The following SWAP70 variants were observed in gnomAD, a reference collection of about 807,000 sequenced individuals.
The protein encoded by SWAP70 is switching B cell complex subunit SWAP70, also known as switch-associated protein 70.
In SWAP70, 34 loss-of-function variants were observed where a neutral mutation model predicts 80.2. The observed-to-expected ratio is 0.42, with a 90% CI of 0.32 to 0.56. The LOEUF (loss-of-function observed/expected upper bound fraction) is 0.56. Among genes scored for constraint, SWAP70 ranks in the 20% least tolerant of loss-of-function variants. The pLI is 0.09. For missense variants in SWAP70, 578 were observed against 690.7 expected (o/e 0.84, Z 1.83); for synonymous variants, 239 against 238.5 (o/e 1.00, Z -0.02).
At chr11:9,671,558 A>T (rs1204307867) in intron 1 of SWAP70, among the ~76,000 whole-genome samples, 2 of 58,824 alleles carry the variant, frequency 3.4e-5, no homozygotes, top group African/African-American at 5.3e-5. Context: ...AGAAATATAT[A>T]TAAATATATT....
chr11:9,695,855 C>T (rs1034072498), intron 2 of SWAP70, among the ~76,000 whole-genome samples: 3 of 151,906 alleles, frequency 2.0e-5, no homozygotes, highest in Non-Finnish European at 4.4e-5. Flanking sequence ...AGTTCAGTGG[C>T]ACGATCTCAG....
intron 4 of SWAP70, chr11:9,726,799 A>G (rs1456909530): frequency 4.6e-6 from 2 of 439,126 alleles, no homozygotes; most frequent in Non-Finnish European, 9.2e-6. Flanking sequence ...TGAGTCACAC[A>G]CCTTTGAGGC....
intron 9 of SWAP70, among the ~76,000 whole-genome samples, chr11:9,743,964 A>AT (rs71034739): frequency 0.68 from 98,966 of 146,542 alleles, 33,357 homozygotes; most frequent in Middle Eastern, 0.8. Context: ...AGATCTTGTA[A>AT]TTTTTTTTTT....
chr11:9,726,045 A>C (rs1045774114), intron 4 of SWAP70, among the ~76,000 whole-genome samples: 1 of 152,128 alleles, frequency 6.6e-6, no homozygotes, highest in Non-Finnish European at 1.5e-5. Context: ...TAAAATGTTT[A>C]CAGTGATCAC....
At chr11:9,749,634 C>A (rs1368336910) in intron 11 of SWAP70, among the ~76,000 whole-genome samples, 3 of 152,250 alleles carry the variant, frequency 2.0e-5, no homozygotes, top group Admixed American at 6.5e-5. Context: ...TGTAAAAAAA[C>A]CAAGCTGTTC....
intron 1 of SWAP70, among the ~76,000 whole-genome samples, chr11:9,664,814 C>T (rs902611882): frequency 6.6e-6 from 1 of 152,216 alleles, no homozygotes; most frequent in African/African-American, 2.4e-5. Context: ...AGCCCGGCCT[C>T]CAGGGTCCTT....
At position 9,747,930 on chromosome 11, in the gene SWAP70, G is replaced by C. The variant is rs1851532600; in HGVS notation, c.1428G>C (p.Gln476His). The change falls in exon 10 of 12, where the codon CAG (glutamine) becomes CAC (histidine). Residue 476 changes from glutamine (Q) to histidine (H), a missense_variant. Transcript: ENST00000318950. ...KWHLEQQQAI[Q>H]TTEAEKQELE... Reference sequence around the variant, plus strand: ...ACTTGGAGCAGCAGCAGGCCATTCAGACAACCGAGGCGGAGAAGCAGGAGT... The same window carrying C: ...ACTTGGAGCAGCAGCAGGCCATTCACACAACCGAGGCGGAGAAGCAGGAGT... 1.2e-6 allele frequency: 2 copies of C among 1,614,080 alleles called. No individual in the cohort carries two copies. Among genetic ancestry groups the C allele is most frequent in the Non-Finnish European group, 1.7e-6 (2 of 1,180,054 alleles).
At chr11:9,669,132 T>G (rs368424416) in intron 1 of SWAP70, among the ~76,000 whole-genome samples, 14 of 152,348 alleles carry the variant, frequency 9.2e-5, no homozygotes, top group African/African-American at 3.4e-4. Flanking sequence ...AAGAAGCGAT[T>G]TCTTCTCACT....
chr11:9,735,671 G>A (rs559555831), intron 7 of SWAP70, among the ~76,000 whole-genome samples: 1 of 152,326 alleles, frequency 6.6e-6, no homozygotes, highest in Admixed American at 6.5e-5. Context: ...GCCTAGAAAT[G>A]TCACACTGTA....
rs767486367 is a variant in SWAP70 at position 9,749,964 on chromosome 11, G to A, written c.1752G>A (p.Thr584=). The change falls in exon 12 of 12, where the codon ACG becomes ACA. Residue 584 remains threonine, a synonymous_variant. Coordinates refer to ENST00000318950, the MANE Select transcript of SWAP70 (RefSeq NM_015055.4). ...AGAACTGGAAAGAGAAAAAGACCAC[G>A]GAGTGACTGAGCTTGCTGGCAGTCA... is the stretch of plus-strand genomic sequence containing the variant. The part of the protein sequence containing the change: ...REKNWKEKKT[T]E The A allele has an allele frequency of 6.2e-6, 10 of 1,611,248 alleles. No individual in the cohort carries two copies. The East Asian group carries it at 6.7e-5, about 11-fold the overall frequency.
chr11:9,679,972 T>C (rs1850547276), intron 1 of SWAP70, among the ~76,000 whole-genome samples: 1 of 152,192 alleles, frequency 6.6e-6, no homozygotes, highest in African/African-American at 2.4e-5. Flanking sequence ...CGCGGCCTGC[T>C]TTTTATATTT....
At chr11:9,734,888 G>A (rs1021250332) in intron 7 of SWAP70, among the ~76,000 whole-genome samples, 4 of 152,148 alleles carry the variant, frequency 2.6e-5, no homozygotes, top group Admixed American at 6.5e-5. Flanking sequence ...GCCTCCCAAA[G>A]TGCTGGGATT....
intron 2 of SWAP70, among the ~76,000 whole-genome samples, chr11:9,712,369 TG>T (rs1181261615): frequency 6.7e-6 from 1 of 148,568 alleles, no homozygotes; most frequent in Non-Finnish European, 1.5e-5. Flanking sequence ...CCTAATAAAC[TG>T]TGAACATTTT....
At position 9,689,091 on chromosome 11, in the gene SWAP70, C is replaced by T. The variant is rs114506763; in HGVS notation, c.100-5055C>T. Among the ~76,000 whole-genome samples the T allele has an allele frequency of 3.1e-3, 476 of 152,220 alleles. 2 individuals are homozygous for T. The highest frequency in any genetic ancestry group is 0.01 in the African/African-American group (433 of 41,546). The stretch of plus-strand genomic sequence containing the variant: ...TTGGAATAGAAATCTGCCCCCACTC[C>T]GCTTTTTTTTCAGTGTTGAATCTTG... On this transcript the variant is annotated intron_variant, in intron 1 of 11. Transcript: ENST00000318950.
intron 2 of SWAP70, among the ~76,000 whole-genome samples, chr11:9,708,726 A>G (rs1044843429): frequency 6.6e-6 from 1 of 152,066 alleles, no homozygotes; most frequent in African/African-American, 2.4e-5. Flanking sequence ...TTTTGTGCAC[A>G]TGTCATTTCC....
chr11:9,700,289 G>A (rs1361824573), intron 2 of SWAP70, among the ~76,000 whole-genome samples: 2 of 152,104 alleles, frequency 1.3e-5, no homozygotes, highest in Non-Finnish European at 2.9e-5. Context: ...GTTTATTATT[G>A]CTTAGCCACC....
intron 4 of SWAP70, among the ~76,000 whole-genome samples, chr11:9,725,335 A>T (rs1173984594): frequency 1.3e-5 from 2 of 150,908 alleles, no homozygotes; most frequent in African/African-American, 2.4e-5. Flanking sequence ...GGCTTTCATT[A>T]AAAAAAATTA....
In SWAP70 at chr11:9,664,298, G is replaced by C. The variant is rs780501601; in HGVS notation, c.99+20G>C. 1 of 1,548,184 alleles carries C rather than the reference G, an allele frequency of 6.5e-7. No individual in the cohort carries two copies. The highest frequency in any genetic ancestry group is 1.2e-5 in the South Asian group (1 of 83,566). ...CTCAAGGTGGGCGCCTCCTGACCCG[G>C]CCCCCCACCCGACCCTCCCCGGCGC... On this transcript the variant is annotated intron_variant, in intron 1 of 11. Transcript: ENST00000318950.
At chr11:9,732,394 G>T in intron 6 of SWAP70, 135 bp from the exon 7 acceptor site, 1 of 911,690 alleles carries the variant, frequency 1.1e-6, no homozygotes, top group Non-Finnish European at 1.7e-6. Flanking sequence ...CCACTATGGA[G>T]TGACAAAATC....
Sources: allele counts gnomAD v4.1 joint callset (sites outside exome capture counted in the v4.1 genomes callset), GRCh38; gene constraint gnomAD v4.1.1; transcripts MANE v1.5; gene names NCBI Gene and HGNC (gene_info 2026-07-23, HGNC 2026-07-21).